Variants in SMPD4 observed in about 807,000 individuals in gnomAD.
SMPD4 encodes the protein neutral sphingomyelinase 3.
SMPD4 carries 58 observed loss-of-function variants against 97.8 expected under a neutral mutation model. The ratio of observed to expected loss-of-function variants is 0.59; its 90% confidence interval spans 0.48 to 0.74. SMPD4 has a LOEUF of 0.74. SMPD4 is among the 30% of genes least tolerant of loss of function. The pLI is 0.00. For missense variants in SMPD4, 853 were observed against 1,080.5 expected, an observed-to-expected ratio of 0.79 and a Z score of 2.95; for synonymous variants, 388 against 450.0, an observed-to-expected ratio of 0.86 and a Z score of 1.74.
chr2:130,160,281 G>A (rs7561926), intron 11 of SMPD4, among the ~76,000 whole-genome samples: 284 of 152,292 alleles, frequency 1.9e-3, no homozygotes, highest in African/African-American at 6.7e-3. Context: ...GTGCCCCTGT[G>A]TGCTGTGGCC....
intron 9 of SMPD4, among the ~76,000 whole-genome samples, chr2:130,166,828 T>C (rs1428674278): frequency 6.6e-6 from 1 of 152,198 alleles, no homozygotes; most frequent in Non-Finnish European, 1.5e-5. Context: ...CCTGAATCAA[T>C]GGAAGGCCTG....
intron 2 of SMPD4, 113 bp from the exon 3 acceptor site, chr2:130,175,113 A>G (rs185487187): frequency 2.7e-6 from 2 of 732,984 alleles, no homozygotes; most frequent in Non-Finnish European, 4.9e-6. Flanking sequence ...AGTCAGACCC[A>G]TAACCTCTGG....
rs1259223308 is a variant in SMPD4, at chr2:130,165,795, C to T, written c.793-1350G>A. 2.0e-5 allele frequency among the ~76,000 whole-genome samples: 3 copies of T among 152,230 alleles called. No individual in the cohort carries two copies. In the East Asian group the frequency reaches 5.8e-4, roughly 29 times the overall value. On this transcript the variant is annotated intron_variant, in intron 9 of 19. Coordinates refer to ENST00000680298, the MANE Select transcript of SMPD4 (RefSeq NM_017951.5). Reference sequence around the variant, plus strand: ...TGCTGGCCAGGCTGGTCTTGAACTCCCGGCCTTGAGCAATCCTTTCCTGCT... The same window carrying T: ...TGCTGGCCAGGCTGGTCTTGAACTCTCGGCCTTGAGCAATCCTTTCCTGCT...
intron 8 of SMPD4, among the ~76,000 whole-genome samples, chr2:130,170,969 G>A (rs956928004): frequency 6.6e-6 from 1 of 151,954 alleles, no homozygotes; most frequent in East Asian, 2.0e-4. Flanking sequence ...GCTGAGGTGG[G>A]AGAATCACTT....
In SMPD4 at chr2:130,153,420, G is replaced by A. The variant is rs199704599; in HGVS notation, c.1924C>T (p.Leu642Phe). 1.2e-5 allele frequency: 20 copies of A among 1,613,820 alleles called. No individual in the cohort carries two copies. Among genetic ancestry groups the A allele is most frequent in the Non-Finnish European group, 1.6e-5 (19 of 1,180,018 alleles). ...LSEAQLRQFT[L>F]ALGTTQDENG... is the part of the protein sequence containing the mutation. ...TCATCCTGGGTGGTGCCCAAGGCGA[G>A]TGTGAACTGCCTGAGCTGCGCTTCG... The change falls in exon 18 of 20, where the codon CTC (leucine) becomes TTC (phenylalanine). Residue 642 changes from leucine (L) to phenylalanine (F), a missense_variant. By Grantham distance (22) the Leu-to-Phe change is conservative. This residue lies in a region of SMPD4 where 511 missense variants were observed against 608.1 expected (regional missense o/e 0.84). Transcript: ENST00000680298.
At position 130,153,814 on chromosome 2, in the gene SMPD4, T is replaced by C. The variant is rs1686478928; in HGVS notation, c.1781A>G (p.Asp594Gly). Residue 594 changes from aspartate (D) to glycine (G), a missense_variant, in exon 17 of 20, where the codon GAC becomes GGC. By Grantham distance (94) the Asp-to-Gly change is moderately conservative. Transcript: ENST00000680298. Reference sequence around the variant, plus strand: ...GTTGGCTGTGTAGGAGCCATTGGTGTCCATGGAGCTAAAGCCCAGCCATGA... The same window carrying C: ...GTTGGCTGTGTAGGAGCCATTGGTGCCCATGGAGCTAAAGCCCAGCCATGA... ...FLSWLGFSSM[D>G]TNGSYTANDL... is the part of the protein sequence containing the mutation. The C allele has an allele frequency of 6.2e-7, 1 of 1,613,980 alleles. No homozygotes were observed. The highest frequency in any genetic ancestry group is 2.2e-5 in the East Asian group (1 of 44,872).
chr2:130,161,185 C>G lies in SMPD4; in HGVS notation c.951+1G>C. ...GAGGAAGGGAACGAATGAGCCAGTA[C>G]TTGGTAGGCGTGGAGGGCCTGGAGG... On this transcript the variant is annotated splice_donor_variant, in intron 11 of 19. Coordinates refer to ENST00000680298, the MANE Select transcript of SMPD4 (RefSeq NM_017951.5). LOFTEE classifies it high-confidence loss of function. 6.2e-7 allele frequency: 1 copy of G among 1,612,830 alleles called. No homozygotes were observed. The highest frequency in any genetic ancestry group is 8.5e-7 in the Non-Finnish European group (1 of 1,179,622).
chr2:130,177,894 G>C (rs1450782966), intron 1 of SMPD4, among the ~76,000 whole-genome samples: 1 of 152,120 alleles, frequency 6.6e-6, no homozygotes, highest in African/African-American at 2.4e-5. Context: ...AGCAGCCCAA[G>C]ATTCCCGACC....
In SMPD4 at chr2:130,151,452, C is replaced by T. The variant is rs1459008870; in HGVS notation, c.*1103G>A. The T allele has an allele frequency of 6.6e-6, 1 of 151,342 alleles. No homozygotes were observed. The highest frequency in any genetic ancestry group is 1.5e-5 in the Non-Finnish European group (1 of 67,908). 9.4% of individuals were successfully genotyped at this position (151,342 alleles called of 1,614,324 possible). ...TATTCAGATCCATGGTCGTTACAAG[C>T]TTCATTTTTGGTCACAGGCCCTAAA... On this transcript the variant is annotated 3_prime_UTR_variant, in exon 20 of 20. Coordinates refer to ENST00000680298, the MANE Select transcript of SMPD4 (RefSeq NM_017951.5).
At chr2:130,171,054 AC>A (rs1688406793) in intron 8 of SMPD4, among the ~76,000 whole-genome samples, 1 of 151,926 alleles carries the variant, frequency 6.6e-6, no homozygotes, top group Non-Finnish European at 1.5e-5. Flanking sequence ...ACAGAGTGAG[AC>A]TCCATCTCCA....
At chr2:130,167,651 T>C (rs1573706377) in intron 8 of SMPD4, 61 bp from the exon 9 acceptor site, 5 of 1,524,910 alleles carry the variant, frequency 3.3e-6, no homozygotes, top group South Asian at 1.3e-5. Context: ...GCTCCCGCTG[T>C]AACAGGGGCA....
chr2:130,175,450 C>T (rs999803958), intron 2 of SMPD4, among the ~76,000 whole-genome samples: 8 of 152,086 alleles, frequency 5.3e-5, no homozygotes, highest in East Asian at 1.9e-4. Flanking sequence ...TCAGTAAGAA[C>T]GCCCAACAAC....
chr2:130,158,018 T>C (rs559469408), intron 11 of SMPD4: 3 of 324,978 alleles, frequency 9.2e-6, no homozygotes, highest in South Asian at 3.0e-5. Flanking sequence ...TGCACACCTA[T>C]AGTCCTAATG....
chr2:130,155,610 A>G lies in SMPD4; in HGVS notation c.1290-351T>C, dbSNP rs1010663374. On this transcript the variant is annotated intron_variant, in intron 14 of 19. Transcript: ENST00000680298. The stretch of plus-strand genomic sequence containing the variant: ...AATGCCTTGGGCAAGGAGGGGAGGG[A>G]TCAGTGGCCATGCCAGGTGCCACGG... 1.4e-4 allele frequency among the ~76,000 whole-genome samples: 22 copies of G among 152,046 alleles called. No individual in the cohort carries two copies. The South Asian group carries it at 1.5e-3, about 10-fold the overall frequency.
chr2:130,176,755 A>G (rs1689015112), intron 1 of SMPD4, 118 bp from the exon 2 acceptor site: 2 of 745,692 alleles, frequency 2.7e-6, no homozygotes, highest in Non-Finnish European at 4.4e-6. Flanking sequence ...CAGCACGATC[A>G]TAGCTCACTG....
At chr2:130,157,982 T>G (rs908844827) in intron 11 of SMPD4, 1 of 216,226 alleles carries the variant, frequency 4.6e-6, no homozygotes, top group Admixed American at 5.3e-5. Flanking sequence ...TACAAAAAAT[T>G]TTTAAAAGTT....
rs1360530841 is a variant in SMPD4 at position 130,152,758 on chromosome 2, C to A, written c.2281G>T (p.Ala761Ser). Residue 761 changes from alanine (A) to serine (S), a missense_variant, in exon 20 of 20, where the codon GCC becomes TCC. Transcript: ENST00000680298. ...LLSPVGRRQV[A>S]GHTRGPRLSL... ...AGCCTGGGGCCGCGGGTGTGGCCGG[C>A]CACCTGCCTCCGCCCCACAGGGCTC... is the stretch of plus-strand genomic sequence containing the variant. 1 of 1,600,442 alleles carries A rather than the reference C, an allele frequency of 6.2e-7. No individual in the cohort carries two copies.
intron 10 of SMPD4, among the ~76,000 whole-genome samples, chr2:130,162,468 C>T (rs1005518069): frequency 6.6e-6 from 1 of 152,272 alleles, no homozygotes; most frequent in African/African-American, 2.4e-5. Context: ...CAGCCTTCCT[C>T]TGTGCCAGAC....
In SMPD4 at chr2:130,153,428, T is replaced by C; in HGVS notation, c.1916A>G (p.Gln639Arg). 6.2e-7 allele frequency: 1 copy of C among 1,613,880 alleles called. No homozygotes were observed. The highest frequency in any genetic ancestry group is 8.5e-7 in the Non-Finnish European group (1 of 1,180,008). Residue 639 changes from glutamine to arginine, a missense_variant, in exon 18 of 20, where the codon CAG becomes CGG. By Grantham distance (43) the Gln-to-Arg change is conservative. Transcript: ENST00000680298. ...GGTGGTGCCCAAGGCGAGTGTGAACTGCCTGAGCTGCGCTTCGCTGAGCTG... is the reference window on the plus strand; with the variant it reads ...GGTGGTGCCCAAGGCGAGTGTGAACCGCCTGAGCTGCGCTTCGCTGAGCTG... ...IFRLSEAQLR[Q>R]FTLALGTTQD...
Sources: gnomAD v4.1 joint callset for allele counts (sites outside exome capture counted in the v4.1 genomes callset) on GRCh38, gnomAD v4.1.1 for gene constraint, gnomAD v4.1.1 regional missense constraint, MANE v1.5 for transcripts, NCBI Gene and HGNC (gene_info 2026-07-23, HGNC 2026-07-21) for gene names.